IL1RAPL2: variants seen among roughly 807,000 people sequenced by gnomAD.
IL1RAPL2 encodes X-linked interleukin-1 receptor accessory protein-like 2.
In IL1RAPL2, 3 loss-of-function variants were observed where a neutral mutation model predicts 44.1. That is an observed-to-expected ratio of 0.07 (90% CI 0.03 to 0.18). IL1RAPL2 has a LOEUF of 0.18. Among genes scored for constraint, IL1RAPL2 ranks in the 10% least tolerant of loss-of-function variants. The probability of loss-of-function intolerance (pLI) is 1.00; values close to 1 mark genes in which losing one functional copy is unlikely to be tolerated. For synonymous variants in IL1RAPL2, 181 were observed against 178.8 expected (o/e 1.01, Z -0.10); for missense variants, 391 against 496.4 (o/e 0.79, Z 2.02).
chrX:105,688,669 T>G (rs1173804902), intron 6 of IL1RAPL2, among the ~76,000 whole-genome samples: 1 of 112,022 alleles, frequency 8.9e-6, no homozygotes. Context: ...ATAGATTCAA[T>G]GCCAACCCCA....
chrX:104,807,219 C>A (rs1932928730), intron 2 of IL1RAPL2, among the ~76,000 whole-genome samples: 1 of 111,065 alleles, frequency 9.0e-6, no homozygotes. Flanking sequence ...TATTTTAATC[C>A]TTTCCTGTTA....
chrX:105,328,163 A>G (rs1345043873), intron 5 of IL1RAPL2, among the ~76,000 whole-genome samples: 1 of 112,032 alleles, frequency 8.9e-6, no homozygotes, highest in Non-Finnish European at 1.9e-5. Flanking sequence ...AATTTGGTGT[A>G]ATCTAGATAG....
intron 5 of IL1RAPL2, among the ~76,000 whole-genome samples, chrX:105,374,115 C>CAAAA (rs1177602549): frequency 4.9e-4 from 22 of 45,004 alleles, no homozygotes; most frequent in Non-Finnish European, 9.6e-4. Context: ...GCAAGACTGT[C>CAAAA]AAAAAAAAAA....
At chrX:104,636,481 T>C (rs755032647) in intron 1 of IL1RAPL2, among the ~76,000 whole-genome samples, 1 of 112,426 alleles carries the variant, frequency 8.9e-6, no homozygotes, top group East Asian at 2.8e-4. Context: ...TGAGCTGCGG[T>C]GGACTCCACC....
chrX:104,753,475 T>G (rs759704118), intron 2 of IL1RAPL2, among the ~76,000 whole-genome samples: 7 of 111,490 alleles, frequency 6.3e-5, no homozygotes, highest in Non-Finnish European at 1.1e-4. Context: ...GTGTAAACAC[T>G]ATCTAAAACA....
chrX:104,628,063 A>G (rs761046242), intron 1 of IL1RAPL2, among the ~76,000 whole-genome samples: 24 of 111,657 alleles, frequency 2.1e-4, no homozygotes, highest in Non-Finnish European at 4.0e-4. Context: ...ACTTTTCATG[A>G]TACATAATAT....
At chrX:105,273,838 C>T (rs1438081861) in intron 5 of IL1RAPL2, among the ~76,000 whole-genome samples, 1 of 111,704 alleles carries the variant, frequency 9.0e-6, no homozygotes, top group Non-Finnish European at 1.9e-5. Context: ...AGCAAATCTT[C>T]AGAGGGCCAA....
chrX:104,731,142 C>T (rs1390118310), intron 2 of IL1RAPL2, among the ~76,000 whole-genome samples: 6 of 110,496 alleles, frequency 5.4e-5, no homozygotes, highest in South Asian at 3.8e-4. Context: ...GAGTAGGTTG[C>T]GAAAATTTTC....
chrX:105,520,044 G>T (rs2036544223), intron 6 of IL1RAPL2, among the ~76,000 whole-genome samples: 1 of 111,862 alleles, frequency 8.9e-6, no homozygotes, highest in African/African-American at 3.3e-5. Context: ...CCCAACGACA[G>T]TAGCTGTTCT....
intron 6 of IL1RAPL2, among the ~76,000 whole-genome samples, chrX:105,506,803 A>G (rs929692606): frequency 4.5e-5 from 5 of 111,934 alleles, no homozygotes; most frequent in African/African-American, 1.6e-4. Context: ...CTTCTGGTCC[A>G]TCGACATTGT....
chrX:104,979,078 A>T (rs1285866015), intron 2 of IL1RAPL2, among the ~76,000 whole-genome samples: 1 of 111,600 alleles, frequency 9.0e-6, no homozygotes, highest in African/African-American at 3.2e-5. Flanking sequence ...ATAAATAAGG[A>T]TTAACTTTAC....
chrX:104,983,615 T>TATGCATAATATATAA (rs1569355783), intron 2 of IL1RAPL2, among the ~76,000 whole-genome samples: 21 of 38,304 alleles, frequency 5.5e-4, no homozygotes, highest in South Asian at 3.0e-3. Context: ...ATATATAATA[T>TATGCATAATATATAA]TATATTATAT....
At chrX:105,086,260 TACACACACACACAC>T (rs57243276) in intron 2 of IL1RAPL2, among the ~76,000 whole-genome samples, 45,416 of 107,268 alleles carry the variant, frequency 0.42, 8,246 homozygotes, top group East Asian at 0.75. Context: ...GAAAATGTGA[TACACACACACACAC>T]ACACACACAG....
At chrX:105,043,201 A>G (rs2031781962) in intron 2 of IL1RAPL2, among the ~76,000 whole-genome samples, 1 of 109,721 alleles carries the variant, frequency 9.1e-6, no homozygotes. Context: ...CACATTGTGC[A>G]CATGTACCCT....
chrX:104,910,252 C>A (rs1035828037), intron 2 of IL1RAPL2, among the ~76,000 whole-genome samples: 2 of 111,990 alleles, frequency 1.8e-5, no homozygotes, highest in Non-Finnish European at 3.8e-5. Flanking sequence ...CGCCCACTGT[C>A]TGGCACTCTC....
chrX:105,499,093 C>T (rs1010197037), intron 6 of IL1RAPL2, among the ~76,000 whole-genome samples: 8 of 111,170 alleles, frequency 7.2e-5, no homozygotes, highest in African/African-American at 2.6e-4. Context: ...CGATACTGTC[C>T]CTGTTCATGG....
intron 6 of IL1RAPL2, among the ~76,000 whole-genome samples, chrX:105,492,323 CTTTT>C (rs2036326314): frequency 9.1e-6 from 1 of 110,453 alleles, no homozygotes; most frequent in Non-Finnish European, 1.9e-5. Flanking sequence ...GAAGTTTTTT[CTTTT>C]TATTATAGCA....
chrX:104,808,958 T>C (rs1241581788), intron 2 of IL1RAPL2, among the ~76,000 whole-genome samples: 1 of 111,644 alleles, frequency 9.0e-6, no homozygotes, highest in African/African-American at 3.3e-5. Context: ...TGAAAAGGGA[T>C]CTTAAAAGTC....
At chrX:105,208,634 A>T (rs2033784109) in intron 3 of IL1RAPL2, among the ~76,000 whole-genome samples, 1 of 110,220 alleles carries the variant, frequency 9.1e-6, no homozygotes, top group Non-Finnish European at 1.9e-5. Context: ...TTCAAGCAAG[A>T]CCCAAGCCAA....
Sources: allele counts gnomAD v4.1 joint callset (sites outside exome capture counted in the v4.1 genomes callset), GRCh38; gene constraint gnomAD v4.1.1; transcripts MANE v1.5; gene names NCBI Gene and HGNC (gene_info 2026-07-23, HGNC 2026-07-21).